Variants in HDAC9 observed in about 807,000 individuals in gnomAD.
The protein encoded by HDAC9 is MEF-2 interacting transcription repressor (MITR) protein.
In HDAC9, 41 loss-of-function variants were observed where a neutral mutation model predicts 139.4. The observed-to-expected ratio is 0.29, with a 90% confidence interval of 0.23 to 0.38. HDAC9 has a LOEUF of 0.38. HDAC9 is among the 10% of genes least tolerant of loss of function. The probability of loss-of-function intolerance (pLI) is 1.00; values close to 1 mark genes in which losing one functional copy is unlikely to be tolerated. For missense variants in HDAC9, 1,147 were observed against 1,297.0 expected, an observed-to-expected ratio of 0.88 and a Z score of 1.78; for synonymous variants, 517 against 476.2, an observed-to-expected ratio of 1.09 and a Z score of -1.12.
At chr7:18,203,142 A>G (rs936065975) in intron 2 of HDAC9, among the ~76,000 whole-genome samples, 2 of 152,194 alleles carry the variant, frequency 1.3e-5, no homozygotes, top group African/African-American at 4.8e-5. Flanking sequence ...AAAATAGACT[A>G]AAAAGATATT....
intron 16 of HDAC9, among the ~76,000 whole-genome samples, chr7:18,786,832 CTTCA>C (rs1451313556): frequency 5.7e-4 from 19 of 33,526 alleles, no homozygotes; most frequent in African/African-American, 7.9e-4. Flanking sequence ...TCCTTCCTTC[CTTCA>C]TTCCTTCCTT....
chr7:18,969,478 A>G (rs1784109370), intron 24 of HDAC9, among the ~76,000 whole-genome samples: 1 of 152,222 alleles, frequency 6.6e-6, no homozygotes, highest in Admixed American at 6.5e-5. Flanking sequence ...ATAGCCAAAA[A>G]ATGTTCAAAT....
At chr7:18,921,920 C>T (rs1490797226) in intron 22 of HDAC9, among the ~76,000 whole-genome samples, 2 of 152,010 alleles carry the variant, frequency 1.3e-5, no homozygotes, top group African/African-American at 4.8e-5. Context: ...GAGTTCATGT[C>T]CTTTGTAGGG....
chr7:18,316,685 T>A (rs1010909207), intron 1 of HDAC9, among the ~76,000 whole-genome samples: 2 of 146,678 alleles, frequency 1.4e-5, no homozygotes, highest in Non-Finnish European at 3.0e-5. Context: ...ACCCAGCTAC[T>A]CAGGTGGTGT....
rs575165677 is a variant in HDAC9 at position 18,187,477 on chromosome 7, A to G, written c.25+25128A>G. 4.6e-5 allele frequency among the ~76,000 whole-genome samples: 7 copies of G among 152,290 alleles called. No homozygotes were observed. The East Asian group carries it at 9.7e-4, about 21-fold the overall frequency. ...GTAGTCGTTTGACTTTCTTCTTTCTATGAACATCACAGATATTTTCTTAGC... is the reference window on the plus strand; with the variant it reads ...GTAGTCGTTTGACTTTCTTCTTTCTGTGAACATCACAGATATTTTCTTAGC... On this transcript the variant is annotated intron_variant, in intron 2 of 12. Transcript: ENST00000417496.
At chr7:18,141,217 A>T (rs971613418) in intron 1 of HDAC9, among the ~76,000 whole-genome samples, 38 of 152,224 alleles carry the variant, frequency 2.5e-4, no homozygotes, top group African/African-American at 7.7e-4. Context: ...TGAGGTGATT[A>T]TGTTCCTTAA....
intron 2 of HDAC9, among the ~76,000 whole-genome samples, chr7:18,582,081 C>A (rs1242348870): frequency 6.6e-6 from 1 of 152,194 alleles, no homozygotes; most frequent in Non-Finnish European, 1.5e-5. Flanking sequence ...CTCAGATGAC[C>A]AGCAAGGACA....
chr7:18,783,099 A>T (rs7779024), intron 16 of HDAC9, among the ~76,000 whole-genome samples: 120,212 of 152,014 alleles, frequency 0.79, 48,228 homozygotes, highest in Non-Finnish European at 0.85. Context: ...CCTGGGGTTA[A>T]ACCAGTCTGT....
In HDAC9 at chr7:18,193,963, T is replaced by G. The variant is rs1055237782; in HGVS notation, c.25+31614T>G. 4.6e-5 allele frequency among the ~76,000 whole-genome samples: 7 copies of G among 152,200 alleles called. No homozygotes were observed. In the East Asian group the frequency reaches 5.8e-4, roughly 13 times the overall value. ...TTGCTTCTTAATTGAGTATCGGCCA[T>G]GTAACTTATTGTTTGAAGCAGTTAC... On this transcript the variant is annotated intron_variant, in intron 2 of 12. Coordinates refer to the HDAC9 transcript ENST00000417496.
chr7:18,429,829 G>T (rs114856786), intron 1 of HDAC9, among the ~76,000 whole-genome samples: 54 of 152,252 alleles, frequency 3.5e-4, no homozygotes, highest in African/African-American at 1.3e-3. Context: ...ATTTTTCTCA[G>T]TGGACTGAAT....
At chr7:18,958,242 A>G (rs1449538883) in intron 24 of HDAC9, among the ~76,000 whole-genome samples, 1 of 152,198 alleles carries the variant, frequency 6.6e-6, no homozygotes, top group Non-Finnish European at 1.5e-5. Flanking sequence ...CCATCTTAAC[A>G]TGATAGATGG....
intron 2 of HDAC9, among the ~76,000 whole-genome samples, chr7:18,253,881 C>A (rs943197978): frequency 3.9e-5 from 6 of 152,162 alleles, no homozygotes; most frequent in Non-Finnish European, 7.3e-5. Context: ...GAGGTGCTAG[C>A]CATCACCTCT....
At chr7:18,871,290 G>A (rs189652702) in intron 21 of HDAC9, among the ~76,000 whole-genome samples, 1 of 152,074 alleles carries the variant, frequency 6.6e-6, no homozygotes, top group Non-Finnish European at 1.5e-5. Flanking sequence ...TTTGACTTCT[G>A]TCACCACAAG....
chr7:18,797,286 T>TA (rs1792883066), intron 17 of HDAC9, among the ~76,000 whole-genome samples: 1 of 152,162 alleles, frequency 6.6e-6, no homozygotes, highest in African/African-American at 2.4e-5. Context: ...AATATACATT[T>TA]AAAAAAGGGG....
At chr7:18,666,016 C>T (rs948347372) in intron 11 of HDAC9, among the ~76,000 whole-genome samples, 197 bp from the exon 12 acceptor site, 1 of 152,022 alleles carries the variant, frequency 6.6e-6, no homozygotes, top group African/African-American at 2.4e-5. Flanking sequence ...GCCTACTGGA[C>T]CCATACAATA....
intron 24 of HDAC9, among the ~76,000 whole-genome samples, chr7:18,968,362 T>C (rs936431438): frequency 1.3e-5 from 2 of 152,120 alleles, no homozygotes; most frequent in Admixed American, 1.3e-4. Context: ...TCTGACCCCA[T>C]GTATGAAAGA....
intron 1 of HDAC9, among the ~76,000 whole-genome samples, chr7:18,094,341 A>C (rs1782362533): frequency 6.6e-6 from 1 of 152,214 alleles, no homozygotes; most frequent in Admixed American, 6.5e-5. Flanking sequence ...TAGATTTCCT[A>C]AACTAGATTA....
intron 2 of HDAC9, among the ~76,000 whole-genome samples, chr7:18,514,957 A>T (rs987939496): frequency 1.1e-4 from 17 of 152,322 alleles, no homozygotes; most frequent in Admixed American, 8.5e-4. Flanking sequence ...AAAGATAATA[A>T]GAAAATAATA....
At chr7:18,770,614 C>T (rs1170003394) in intron 16 of HDAC9, among the ~76,000 whole-genome samples, 6 of 152,280 alleles carry the variant, frequency 3.9e-5, no homozygotes, top group Admixed American at 1.3e-4. Flanking sequence ...GCTTCAAACG[C>T]TTCTGCGGCT....
Sources: allele counts gnomAD v4.1 joint callset (sites outside exome capture counted in the v4.1 genomes callset), GRCh38; gene constraint gnomAD v4.1.1; transcripts MANE v1.5; gene names NCBI Gene and HGNC (gene_info 2026-07-23, HGNC 2026-07-21).